Variants in TDRD5 observed in about 807,000 individuals in gnomAD.
TDRD5 encodes tudor domain-containing protein 5.
Under a neutral mutation model 120.6 loss-of-function variants are expected in TDRD5, and 41 were observed. The observed-to-expected ratio is 0.34, with a 90% confidence interval of 0.26 to 0.44. The LOEUF (loss-of-function observed/expected upper bound fraction) is 0.44. TDRD5 is among the 20% of genes least tolerant of loss of function. The probability of loss-of-function intolerance (pLI) is 1.00; values close to 1 mark genes in which losing one functional copy is unlikely to be tolerated. For synonymous variants in TDRD5, 430 were observed against 433.7 expected, an observed-to-expected ratio of 0.99 and a Z score of 0.11; for missense variants, 1,006 against 1,221.2, an observed-to-expected ratio of 0.82 and a Z score of 2.63.
chr1:179,613,459 G>T (rs1307768780), intron 4 of TDRD5, among the ~76,000 whole-genome samples: 1 of 152,132 alleles, frequency 6.6e-6, no homozygotes, highest in East Asian at 1.9e-4. Flanking sequence ...TATTTATAGG[G>T]TCTTAGTTCT....
chr1:179,609,057 A>G (rs1320154551), intron 4 of TDRD5, among the ~76,000 whole-genome samples: 3 of 152,092 alleles, frequency 2.0e-5, no homozygotes, highest in Non-Finnish European at 4.4e-5. Flanking sequence ...GATGGGATGA[A>G]TAGCTTATAA....
intron 17 of TDRD5, among the ~76,000 whole-genome samples, chr1:179,672,053 A>G (rs1679883545): frequency 6.7e-6 from 1 of 149,596 alleles, no homozygotes; most frequent in African/African-American, 2.5e-5. Flanking sequence ...CCATGTTTTT[A>G]CCATTACAAA....
At chr1:179,623,812 A>T (rs887275432) in intron 6 of TDRD5, among the ~76,000 whole-genome samples, 13 of 149,110 alleles carry the variant, frequency 8.7e-5, no homozygotes, top group African/African-American at 2.5e-4. Context: ...TAAAAAAAAA[A>T]TTTTTTTTTA....
intron 11 of TDRD5, among the ~76,000 whole-genome samples, chr1:179,645,336 C>T (rs966697729): frequency 6.6e-6 from 1 of 151,940 alleles, no homozygotes; most frequent in Non-Finnish European, 1.5e-5. Flanking sequence ...CCGCCCGCCT[C>T]GGCCTCCCAA....
chr1:179,689,999 TC>T (rs1440585591), intron 17 of TDRD5, among the ~76,000 whole-genome samples: 1 of 152,142 alleles, frequency 6.6e-6, no homozygotes, highest in Non-Finnish European at 1.5e-5. Context: ...CCCTTGCGCT[TC>T]CCCGGTGAGG....
At chr1:179,633,188 T>C (rs1010073514) in intron 7 of TDRD5, among the ~76,000 whole-genome samples, 2 of 152,164 alleles carry the variant, frequency 1.3e-5, no homozygotes, top group African/African-American at 4.8e-5. Context: ...TTTGAAGTTA[T>C]ATATAATAAT....
intron 16 of TDRD5, among the ~76,000 whole-genome samples, chr1:179,663,742 T>A (rs1016904113): frequency 6.6e-6 from 1 of 152,180 alleles, no homozygotes; most frequent in Non-Finnish European, 1.5e-5. Flanking sequence ...ATAAAATATA[T>A]GTTGATTTTA....
rs1038215139 is a variant in TDRD5 at position 179,675,636 on chromosome 1, G to A, written c.2860+6232G>A. 2.0e-5 allele frequency among the ~76,000 whole-genome samples: 3 copies of A among 152,098 alleles called. No homozygotes were observed. The East Asian group carries it at 5.8e-4, about 29-fold the overall frequency. On this transcript the variant is annotated intron_variant, in intron 17 of 17. Transcript: ENST00000444136. ...CATTGTTGACCCAATGATCATTCAG[G>A]AGCAGGTTATTTAATTTCCATCTAT...
chr1:179,622,720 GA>G (rs1437960114), intron 6 of TDRD5, among the ~76,000 whole-genome samples: 1 of 152,100 alleles, frequency 6.6e-6, no homozygotes, highest in African/African-American at 2.4e-5. Flanking sequence ...CCAATTTGAA[GA>G]ACAGAGAAAC....
intron 6 of TDRD5, among the ~76,000 whole-genome samples, chr1:179,622,492 A>C (rs1676894479): frequency 6.6e-6 from 1 of 152,242 alleles, no homozygotes; most frequent in Non-Finnish European, 1.5e-5. Context: ...TTAGCAAAAA[A>C]GGTTTTAAAG....
At chr1:179,645,664 TGAAA>T (rs1198463000) in intron 11 of TDRD5, among the ~76,000 whole-genome samples, 1 of 152,224 alleles carries the variant, frequency 6.6e-6, no homozygotes, top group African/African-American at 2.4e-5. Flanking sequence ...CTGTAATTAT[TGAAA>T]GAAGTGTGGC....
chr1:179,609,800 A>G (rs2101941595), intron 4 of TDRD5, among the ~76,000 whole-genome samples: 1 of 152,310 alleles, frequency 6.6e-6, no homozygotes, highest in South Asian at 2.1e-4. Context: ...CCAGCCTCAA[A>G]GAACTTCTCT....
chr1:179,636,094 T>C (rs1314071771), intron 9 of TDRD5, among the ~76,000 whole-genome samples: 2 of 152,188 alleles, frequency 1.3e-5, no homozygotes, highest in East Asian at 3.8e-4. Context: ...AAAATAACTT[T>C]TTGTTTAAAA....
At chr1:179,613,699 G>A (rs986680457) in intron 4 of TDRD5, among the ~76,000 whole-genome samples, 25 of 152,270 alleles carry the variant, frequency 1.6e-4, no homozygotes, top group Admixed American at 1.6e-3. Flanking sequence ...TCTAATAGGG[G>A]CACTAATCCC....
At chr1:179,620,168 GA>G (rs763749589) in intron 5 of TDRD5, among the ~76,000 whole-genome samples, 1 of 152,136 alleles carries the variant, frequency 6.6e-6, no homozygotes, top group African/African-American at 2.4e-5. Flanking sequence ...AGGAGTTTCT[GA>G]AAGGGTGTTT....
chr1:179,680,891 G>A lies in TDRD5; in HGVS notation c.2861-9805G>A, dbSNP rs1307889586. Among the ~76,000 whole-genome samples, 4 of 151,866 alleles carry A rather than the reference G, an allele frequency of 2.6e-5. No individual in the cohort carries two copies. The South Asian group carries it at 6.2e-4, about 24-fold the overall frequency. ...TAAAAAAACCTCACTTTAAAGGTAG[G>A]AAAAGAGAAAAAAGGGCATATGACC... On this transcript the variant is annotated intron_variant, in intron 17 of 17. Coordinates refer to ENST00000444136, the MANE Select transcript of TDRD5 (RefSeq NM_001199085.3).
rs903426212 is a variant in TDRD5 at position 179,688,447 on chromosome 1, A to G, written c.2861-2249A>G. Among the ~76,000 whole-genome samples, 9 of 152,314 alleles carry G rather than the reference A, an allele frequency of 5.9e-5. 1 individual carries two copies. Among genetic ancestry groups the G allele is most frequent in the Admixed American group, 5.9e-4 (9 of 15,308 alleles). ...TCTGATGGCCTTCCCTTTGTGGGTA[A>G]CCTGACCTTTCTCTCTGGCTGCGTT... On this transcript the variant is annotated intron_variant, in intron 17 of 17. Coordinates refer to ENST00000444136, the MANE Select transcript of TDRD5 (RefSeq NM_001199085.3).
At chr1:179,645,587 A>G (rs574567644) in intron 11 of TDRD5, among the ~76,000 whole-genome samples, 2 of 152,274 alleles carry the variant, frequency 1.3e-5, no homozygotes, top group Admixed American at 6.5e-5. Flanking sequence ...AATATTTTAT[A>G]TATGTCCATA....
chr1:179,682,202 T>C (rs978574137), intron 17 of TDRD5, among the ~76,000 whole-genome samples: 4 of 151,562 alleles, frequency 2.6e-5, no homozygotes, highest in African/African-American at 7.3e-5. Context: ...TAATTTTTTA[T>C]TGAATGCCAG....
Sources: gnomAD v4.1 joint callset for allele counts (sites outside exome capture counted in the v4.1 genomes callset) on GRCh38, gnomAD v4.1.1 for gene constraint, MANE v1.5 for transcripts, NCBI Gene and HGNC (gene_info 2026-07-23, HGNC 2026-07-21) for gene names.